The following NFIA variants were observed in gnomAD, a reference collection of about 807,000 sequenced individuals.
NFIA encodes the protein nuclear factor 1 A-type.
NFIA carries 8 observed loss-of-function variants against 62.8 expected under a neutral mutation model. The ratio of observed to expected loss-of-function variants is 0.13; its 90% CI spans 0.07 to 0.23. NFIA has a LOEUF of 0.23. Among genes scored for constraint, NFIA ranks in the 10% least tolerant of loss-of-function variants. The pLI is 1.00. For missense variants in NFIA, 410 were observed against 642.1 expected, an observed-to-expected ratio of 0.64 and a Z score of 3.91; for synonymous variants, 235 against 238.1, an observed-to-expected ratio of 0.99 and a Z score of 0.12.
chr1:61,317,680 A>G (rs1660439772), intron 3 of NFIA, among the ~76,000 whole-genome samples: 1 of 152,048 alleles, frequency 6.6e-6, no homozygotes, highest in African/African-American at 2.4e-5. Flanking sequence ...ATTTTTATAG[A>G]CAACTTTTAT....
At chr1:61,280,333 C>T (rs1264194065) in intron 3 of NFIA, among the ~76,000 whole-genome samples, 1 of 152,058 alleles carries the variant, frequency 6.6e-6, no homozygotes, top group East Asian at 1.9e-4. Flanking sequence ...AGAGGGAACT[C>T]TCATAGGTGT....
rs1297015406 is a variant in NFIA at position 61,457,754 on chromosome 1, GCAGT to G, written c.*2437_*2440del. The G allele has an allele frequency of 4.0e-5, 6 of 151,626 alleles. No homozygotes were observed. The highest frequency in any genetic ancestry group is 7.4e-5 in the Non-Finnish European group (5 of 67,958). The allele number at this position is 151,626 out of a possible 1,614,324, so 9.4% of individuals were successfully genotyped here. A position where few individuals can be genotyped will look rare whatever the true frequency, so the allele number is the denominator to read the frequency against. On this transcript the variant is annotated 3_prime_UTR_variant, in exon 11 of 11. Transcript: ENST00000403491. This position sits in a 1 kb window ranked among gnomAD's most constrained non-coding sequence, Gnocchi z 4.2. ...CGCAGGAAGGGCTCCTCTTAGAGAA[GCAGT>G]CAAACTGTGAAGCACTAAGCTGACC...
intron 2 of NFIA, among the ~76,000 whole-genome samples, chr1:61,186,322 A>G (rs559080594): frequency 3.3e-5 from 5 of 152,224 alleles, no homozygotes; most frequent in Admixed American, 6.5e-5. Context: ...CACTTTCTAC[A>G]TCATAGGATT....
At chr1:61,263,505 G>T (rs951497220) in intron 2 of NFIA, among the ~76,000 whole-genome samples, 2 of 152,098 alleles carry the variant, frequency 1.3e-5, no homozygotes, top group Non-Finnish European at 2.9e-5. Flanking sequence ...TTGTGAATAG[G>T]CTTCCACCAT....
intron 8 of NFIA, among the ~76,000 whole-genome samples, chr1:61,405,890 A>G (rs546591266): frequency 1.3e-5 from 2 of 152,312 alleles, no homozygotes; most frequent in East Asian, 1.9e-4. Flanking sequence ...ATATGCTTAT[A>G]TAATTTAAAT....
At chr1:61,311,920 T>TG (rs1000342836) in intron 3 of NFIA, among the ~76,000 whole-genome samples, 3 of 152,270 alleles carry the variant, frequency 2.0e-5, no homozygotes, top group African/African-American at 4.8e-5. Context: ...CCACCAGTGG[T>TG]GAAGAGCCCT....
chr1:61,221,487 T>G (rs1168827692), intron 2 of NFIA, among the ~76,000 whole-genome samples: 1 of 152,150 alleles, frequency 6.6e-6, no homozygotes, highest in Non-Finnish European at 1.5e-5. Context: ...ATTTTTATTT[T>G]AAGAATAAAT....
At chr1:61,280,446 T>TGC (rs1285236390) in intron 3 of NFIA, among the ~76,000 whole-genome samples, 1 of 98,524 alleles carries the variant, frequency 1.0e-5, no homozygotes, top group Non-Finnish European at 2.4e-5. Context: ...TATATGTATG[T>TGC]GTGTGTATAT....
intron 7 of NFIA, among the ~76,000 whole-genome samples, chr1:61,391,907 AGCAATTAGG>A (rs1665004736): frequency 6.6e-6 from 1 of 152,238 alleles, no homozygotes; most frequent in African/African-American, 2.4e-5. Context: ...GAAAATGAGA[AGCAATTAGG>A]TACCTGTTGC....
chr1:61,194,188 C>T (rs1651838560), intron 2 of NFIA, among the ~76,000 whole-genome samples: 1 of 152,116 alleles, frequency 6.6e-6, no homozygotes, highest in African/African-American at 2.4e-5. Flanking sequence ...TTTCCCCATC[C>T]ATTAAGATGT....
At chr1:61,340,164 A>T (rs1253581457) in intron 4 of NFIA, among the ~76,000 whole-genome samples, 1 of 152,188 alleles carries the variant, frequency 6.6e-6, no homozygotes, top group Non-Finnish European at 1.5e-5. Flanking sequence ...CCAGACTATG[A>T]ATACTCTTAT....
intron 9 of NFIA, 49 bp downstream of exon 9, chr1:61,406,776 C>T (rs1412268892): frequency 2.7e-6 from 4 of 1,507,182 alleles, no homozygotes; most frequent in Non-Finnish European, 3.6e-6. Context: ...GCTGTATGCA[C>T]TGGAATCCAC....
At chr1:61,391,435 AACACACACACACACACACAC>A (rs60938787) in intron 7 of NFIA, among the ~76,000 whole-genome samples, 351 of 124,678 alleles carry the variant, frequency 2.8e-3, no homozygotes, top group African/African-American at 8.7e-3. Context: ...TTATGAATCA[AACACACACACACACACACAC>A]ACACACACAC....
intron 2 of NFIA, among the ~76,000 whole-genome samples, chr1:61,157,338 A>C (rs1359497722): frequency 6.6e-6 from 1 of 152,124 alleles, no homozygotes; most frequent in Non-Finnish European, 1.5e-5. Context: ...TGCAAAAGAG[A>C]GCAGAACTGA....
intron 6 of NFIA, among the ~76,000 whole-genome samples, chr1:61,381,562 C>A (rs1557744841): frequency 6.6e-6 from 1 of 152,118 alleles, no homozygotes; most frequent in Non-Finnish European, 1.5e-5. Context: ...AATCACATAC[C>A]ACTCTATGTT....
intron 4 of NFIA, among the ~76,000 whole-genome samples, chr1:61,346,778 G>A (rs66536513): frequency 0.094 from 14,275 of 152,122 alleles, 820 homozygotes; most frequent in Middle Eastern, 0.17. Flanking sequence ...AGAAATACCC[G>A]AGACTGGGTG....
chr1:61,126,923 T>G (rs1240985889), intron 2 of NFIA, among the ~76,000 whole-genome samples: 1 of 150,472 alleles, frequency 6.6e-6, no homozygotes, highest in Non-Finnish European at 1.5e-5. Flanking sequence ...TAGCTGGGAC[T>G]ACAGATGTGT....
Position 61,097,146 on chromosome 1 carries a change from G to C in NFIA, c.559+8466G>C, listed in dbSNP as rs572945854. The stretch of plus-strand genomic sequence containing the variant: ...GAGTTTGAGGCATGTGAAGAAAAGT[G>C]ATTAAATTGGTTAAAAAAATAGTAC... On this transcript the variant is annotated intron_variant, in intron 2 of 10. Coordinates refer to ENST00000403491, the MANE Select transcript of NFIA (RefSeq NM_001134673.4). 5.2e-4 allele frequency among the ~76,000 whole-genome samples: 79 copies of C among 152,196 alleles called. 1 individual carries two copies. Among genetic ancestry groups the C allele is most frequent in the African/African-American group, 1.8e-3 (75 of 41,522 alleles).
chr1:61,457,712 A>AT lies in NFIA; in HGVS notation c.*2397dup, dbSNP rs1484375644. The AT allele has an allele frequency of 6.6e-6, 1 of 151,252 alleles. No homozygotes were observed. Among genetic ancestry groups the AT allele is most frequent in the Non-Finnish European group, 1.5e-5 (1 of 67,822 alleles). 9.4% of individuals were successfully genotyped at this position (151,252 alleles called of 1,614,324 possible). A position where few individuals can be genotyped will look rare whatever the true frequency, so the allele number is the denominator to read the frequency against. On this transcript the variant is annotated 3_prime_UTR_variant, in exon 11 of 11. Transcript: ENST00000403491. This position sits in a 1 kb window ranked among gnomAD's most constrained non-coding sequence, Gnocchi z 4.2. The stretch of plus-strand genomic sequence containing the variant: ...GTGTTTGTCTTTGTACTTTTTTGTG[A>AT]TTTTTGAATGCACGTGCGCAGGAAG...
Sources: gnomAD v4.1 joint callset for allele counts (sites outside exome capture counted in the v4.1 genomes callset) on GRCh38, gnomAD v4.1.1 for gene constraint, Gnocchi (gnomAD v3.1) non-coding constraint, MANE v1.5 for transcripts, NCBI Gene and HGNC (gene_info 2026-07-23, HGNC 2026-07-21) for gene names.